The following RPF2 variants were observed in gnomAD, a reference collection of about 807,000 sequenced individuals.
RPF2 encodes the protein ribosome production factor 2 homolog.
RPF2 carries 21 observed loss-of-function variants against 38.9 expected under a neutral mutation model. The observed-to-expected ratio is 0.54, with a 90% CI of 0.38 to 0.78. The LOEUF is 0.78. RPF2 is among the 30% of genes least tolerant of loss of function. The pLI, the probability that RPF2 is intolerant of heterozygous loss-of-function variation, is 0.00. For synonymous variants in RPF2, 121 were observed against 126.2 expected (o/e 0.96, Z 0.28); for missense variants, 314 against 358.1 (o/e 0.88, Z 0.99).
intron 6 of RPF2, among the ~76,000 whole-genome samples, chr6:111,003,653 C>A (rs1049790257): frequency 2.6e-5 from 4 of 152,136 alleles, no homozygotes; most frequent in Admixed American, 6.6e-5. Flanking sequence ...GAGACCCCGT[C>A]TCTACAAAAT....
chr6:111,008,217 T>G, intron 7 of RPF2, 80 bp downstream of exon 7: 4 of 1,432,124 alleles, frequency 2.8e-6, no homozygotes. Flanking sequence ...CTTTGCTACT[T>G]TAGGTTTGTA....
At chr6:110,998,985 A>AGAATGGG (rs954524022) in intron 5 of RPF2, among the ~76,000 whole-genome samples, 1 of 152,138 alleles carries the variant, frequency 6.6e-6, no homozygotes, top group Non-Finnish European at 1.5e-5. Flanking sequence ...CAGCAAGTAA[A>AGAATGGG]GAATGGGGCA....
chr6:110,988,472 A>G (rs1481409178), intron 2 of RPF2, among the ~76,000 whole-genome samples: 5 of 145,988 alleles, frequency 3.4e-5, no homozygotes, highest in African/African-American at 1.3e-4. Flanking sequence ...GTCTCACTCT[A>G]TCACCAGAGC....
At chr6:111,001,320 A>G (rs1771807835) in intron 6 of RPF2, among the ~76,000 whole-genome samples, 1 of 152,240 alleles carries the variant, frequency 6.6e-6, no homozygotes, top group African/African-American at 2.4e-5. Flanking sequence ...CGTATTTTGT[A>G]AAGTACATAA....
intron 8 of RPF2, among the ~76,000 whole-genome samples, chr6:111,016,593 G>A (rs1006798210): frequency 2.1e-5 from 3 of 141,346 alleles, no homozygotes; most frequent in African/African-American, 5.5e-5. Context: ...TGAGGGCGCT[G>A]AAAAAACAAA....
intron 3 of RPF2, among the ~76,000 whole-genome samples, chr6:110,989,339 G>C (rs1771578196): frequency 6.6e-6 from 1 of 151,938 alleles, no homozygotes; most frequent in African/African-American, 2.4e-5. Context: ...CCCTTCACCT[G>C]GCTTCCCCTA....
intron 8 of RPF2, 29 bp from the exon 9 acceptor site, chr6:111,024,154 C>A: frequency 6.4e-7 from 1 of 1,557,232 alleles, no homozygotes; most frequent in Non-Finnish European, 8.7e-7. Flanking sequence ...AAAGTCAAAG[C>A]AACATTTCTT....
chr6:111,003,300 C>T (rs1771845802), intron 6 of RPF2, among the ~76,000 whole-genome samples: 1 of 151,920 alleles, frequency 6.6e-6, no homozygotes, highest in South Asian at 2.1e-4. Flanking sequence ...CCTTCTCCTC[C>T]ACCCTCACCA....
intron 6 of RPF2, among the ~76,000 whole-genome samples, chr6:111,005,166 G>T (rs1211877770): frequency 6.6e-6 from 1 of 152,142 alleles, no homozygotes; most frequent in Non-Finnish European, 1.5e-5. Flanking sequence ...AGTATAGACC[G>T]TTAAGGTTCC....
rs746393400 is a variant in RPF2 at position 110,982,074 on chromosome 6, C to T, written c.-33C>T. ...CGTAATCGCCGAGGGCACGTGCATG[C>T]CCCCTGGTTAAGAGTTGCAGGTAGC... On this transcript the variant is annotated 5_prime_UTR_variant, in exon 1 of 10. Coordinates refer to ENST00000441448, the MANE Select transcript of RPF2 (RefSeq NM_032194.3). The T allele has an allele frequency of 1.2e-6, 2 of 1,613,538 alleles. No individual in the cohort carries two copies. The highest frequency in any genetic ancestry group is 2.2e-5 in the East Asian group (1 of 44,878).
At chr6:111,008,637 G>A (rs569520876) in intron 7 of RPF2, among the ~76,000 whole-genome samples, 66 of 152,062 alleles carry the variant, frequency 4.3e-4, no homozygotes, top group African/African-American at 1.6e-3. Context: ...TTGTATCACC[G>A]ACTTCCAACT....
intron 5 of RPF2, among the ~76,000 whole-genome samples, chr6:110,998,421 C>G (rs1771755986): frequency 6.6e-6 from 1 of 152,122 alleles, no homozygotes; most frequent in Non-Finnish European, 1.5e-5. Context: ...TGGGAAGCAG[C>G]TGATTACTAG....
chr6:110,999,524 T>C (rs1197722884), intron 5 of RPF2, among the ~76,000 whole-genome samples, 187 bp from the exon 6 acceptor site: 5 of 152,158 alleles, frequency 3.3e-5, no homozygotes, highest in African/African-American at 1.2e-4. Flanking sequence ...CTGAGATCCT[T>C]TCCATGACTA....
intron 4 of RPF2, among the ~76,000 whole-genome samples, chr6:110,992,395 T>A (rs933107635): frequency 1.3e-5 from 2 of 151,882 alleles, no homozygotes; most frequent in Admixed American, 1.3e-4. Context: ...TCTATTTTTA[T>A]AAAGCAAGTT....
At chr6:111,006,933 C>T (rs6910812) in intron 6 of RPF2, among the ~76,000 whole-genome samples, 6 of 151,922 alleles carry the variant, frequency 3.9e-5, no homozygotes, top group Non-Finnish European at 5.9e-5. Flanking sequence ...ATTAGCCAGG[C>T]GTGGTGGCAC....
chr6:110,984,001 C>A (rs191501083), intron 1 of RPF2, among the ~76,000 whole-genome samples: 1 of 152,098 alleles, frequency 6.6e-6, no homozygotes, highest in East Asian at 1.9e-4. Context: ...TGCACTCCAG[C>A]CTGGGCGACA....
intron 8 of RPF2, among the ~76,000 whole-genome samples, chr6:111,017,479 G>C (rs1369882360): frequency 6.7e-6 from 1 of 149,900 alleles, no homozygotes; most frequent in African/African-American, 2.5e-5. Context: ...GGGCGGAGGG[G>C]CTCCTCACTT....
chr6:111,017,292 C>T (rs907128127), intron 8 of RPF2, among the ~76,000 whole-genome samples: 9 of 149,636 alleles, frequency 6.0e-5, no homozygotes, highest in African/African-American at 1.2e-4. Context: ...CCGGACGGGG[C>T]GGCGGCTGGG....
chr6:111,025,676 T>C lies in RPF2; in HGVS notation c.*94T>C, dbSNP rs1583278779. 2 of 846,550 alleles carry C rather than the reference T, an allele frequency of 2.4e-6. No homozygotes were observed. Among genetic ancestry groups the C allele is most frequent in the Non-Finnish European group, 1.8e-6 (1 of 562,168 alleles). The allele number at this position is 846,550 out of a possible 1,614,324, so 52.4% of individuals were successfully genotyped here. A position where few individuals can be genotyped will look rare whatever the true frequency, so the allele number is the denominator to read the frequency against. On this transcript the variant is annotated 3_prime_UTR_variant, in exon 10 of 10. Transcript: ENST00000441448. ...CAGAGTTTCTTATAAGATCTTATTATATATTTTTATAACATGATAATTTTA... is the reference window on the plus strand; with the variant it reads ...CAGAGTTTCTTATAAGATCTTATTACATATTTTTATAACATGATAATTTTA...
Sources: allele counts gnomAD v4.1 joint callset (sites outside exome capture counted in the v4.1 genomes callset), GRCh38; gene constraint gnomAD v4.1.1; transcripts MANE v1.5; gene names NCBI Gene and HGNC (gene_info 2026-07-23, HGNC 2026-07-21).